The following LRRTM3 variants were observed in gnomAD, a reference collection of about 807,000 sequenced individuals.
LRRTM3 encodes the protein leucine rich repeat transmembrane neuronal 3.
Under a neutral mutation model 44.7 loss-of-function variants are expected in LRRTM3, and 24 were observed. The ratio of observed to expected loss-of-function variants is 0.54; its 90% confidence interval spans 0.39 to 0.76. The LOEUF (loss-of-function observed/expected upper bound fraction) is 0.76, where lower values mean the gene tolerates loss of function less well. LRRTM3 is among the 30% of genes least tolerant of loss of function. The pLI, the probability that LRRTM3 is intolerant of heterozygous loss-of-function variation, is 0.00. For missense variants in LRRTM3, 587 were observed against 702.2 expected, an observed-to-expected ratio of 0.84 and a Z score of 1.85; for synonymous variants, 277 against 278.7, an observed-to-expected ratio of 0.99 and a Z score of 0.06.
At chr10:67,025,219 C>G (rs759435819) in intron 2 of LRRTM3, among the ~76,000 whole-genome samples, 1 of 151,410 alleles carries the variant, frequency 6.6e-6, no homozygotes, top group Non-Finnish European at 1.5e-5. Context: ...GTATCACCCA[C>G]CAATTGGCAC....
intron 2 of LRRTM3, among the ~76,000 whole-genome samples, chr10:66,930,772 C>A (rs1283511644): frequency 6.6e-6 from 1 of 152,014 alleles, no homozygotes; most frequent in Non-Finnish European, 1.5e-5. Context: ...AAAGCTGTCA[C>A]TTTTTAATGC....
chr10:67,082,114 C>A (rs1857086867), intron 2 of LRRTM3, among the ~76,000 whole-genome samples: 1 of 152,092 alleles, frequency 6.6e-6, no homozygotes, highest in Admixed American at 6.6e-5. Context: ...AATTTTCTTT[C>A]AATGCTATAG....
At chr10:67,082,082 G>A (rs1857085631) in intron 2 of LRRTM3, among the ~76,000 whole-genome samples, 1 of 152,172 alleles carries the variant, frequency 6.6e-6, no homozygotes, top group South Asian at 2.1e-4. Flanking sequence ...ATTGCAGATT[G>A]CAGTCAGCAT....
intron 2 of LRRTM3, among the ~76,000 whole-genome samples, chr10:67,023,036 T>G (rs1853130710): frequency 6.6e-6 from 1 of 152,186 alleles, no homozygotes; most frequent in Admixed American, 6.5e-5. Context: ...GGTCAGTGAT[T>G]GGCATACTCA....
intron 2 of LRRTM3, among the ~76,000 whole-genome samples, chr10:67,073,181 A>G (rs999786592): frequency 3.3e-5 from 5 of 152,170 alleles, no homozygotes; most frequent in African/African-American, 9.7e-5. Flanking sequence ...TCTAGGAACT[A>G]TATCTAATTT....
At chr10:67,030,875 G>A (rs1853679336) in intron 2 of LRRTM3, among the ~76,000 whole-genome samples, 1 of 152,078 alleles carries the variant, frequency 6.6e-6, no homozygotes, top group South Asian at 2.1e-4. Flanking sequence ...GTGGTGGCGG[G>A]AGTCTGTAAT....
Position 66,947,409 on chromosome 10 carries a change from T to A in LRRTM3, c.1536+18957T>A, listed in dbSNP as rs150685053. Among the ~76,000 whole-genome samples the A allele has an allele frequency of 3.0e-3, 456 of 152,284 alleles. 6 individuals are homozygous for A. Among genetic ancestry groups the A allele is most frequent in the Non-Finnish European group, 9.1e-4 (62 of 68,006 alleles). ...ACCATTTCACTATATCACAAGGTAT[T>A]TTCTTTATGAGGGTCCATGGGGAAA... On this transcript the variant is annotated intron_variant, in intron 2 of 2. Coordinates refer to ENST00000361320, the MANE Select transcript of LRRTM3 (RefSeq NM_178011.5).
Position 66,927,662 on chromosome 10 carries a change from C to A in LRRTM3, c.746C>A (p.Ser249Tyr). The A allele has an allele frequency of 6.2e-7, 1 of 1,614,152 alleles. No individual in the cohort carries two copies. Residue 249 changes from serine (S) to tyrosine (Y), a missense_variant, in exon 2 of 3, where the codon TCC becomes TAC. Ser to Tyr is a moderately radical substitution (Grantham distance 144, BLOSUM62 -2). This residue lies in a region of LRRTM3 where 222 missense variants were observed against 323.3 expected (regional missense o/e 0.69). Coordinates refer to ENST00000361320, the MANE Select transcript of LRRTM3 (RefSeq NM_178011.5). This position sits in a 1 kb window ranked among gnomAD's most constrained non-coding sequence, Gnocchi z 4.7. ...NKISVIGQTM[S>Y]WTWSSLQRLD... The stretch of plus-strand genomic sequence containing the variant: ...ATCAGTGTCATAGGACAGACCATGT[C>A]CTGGACCTGGAGCTCCTTACAAAGG...
rs917017630 is a variant in LRRTM3 at position 67,098,584 on chromosome 10, T to C, written c.*788T>C. ...AGGGATATTTTAACATATTTCCGAATGAATGACTCATTATTTCATTCTTTT... is the reference window on the plus strand; with the variant it reads ...AGGGATATTTTAACATATTTCCGAACGAATGACTCATTATTTCATTCTTTT... On this transcript the variant is annotated 3_prime_UTR_variant, in exon 3 of 3. Coordinates refer to ENST00000361320, the MANE Select transcript of LRRTM3 (RefSeq NM_178011.5). 1 of 152,336 alleles carries C rather than the reference T, an allele frequency of 6.6e-6. No individual in the cohort carries two copies. Among genetic ancestry groups the C allele is most frequent in the Admixed American group, 6.6e-5 (1 of 15,188 alleles). The allele number at this position is 152,336 out of a possible 1,614,324, so 9.4% of individuals were successfully genotyped here.
At chr10:66,996,068 T>C (rs1240563001) in intron 2 of LRRTM3, among the ~76,000 whole-genome samples, 1 of 152,190 alleles carries the variant, frequency 6.6e-6, no homozygotes, top group Non-Finnish European at 1.5e-5. Context: ...TTTTGTAATA[T>C]TATCCTACTA....
At chr10:67,017,179 A>T (rs2133059866) in intron 2 of LRRTM3, among the ~76,000 whole-genome samples, 1 of 152,322 alleles carries the variant, frequency 6.6e-6, no homozygotes, top group South Asian at 2.1e-4. Flanking sequence ...ATATTTTGTG[A>T]TTTCCAAAGT....
chr10:67,043,141 T>C (rs904324212), intron 2 of LRRTM3, among the ~76,000 whole-genome samples: 3 of 150,862 alleles, frequency 2.0e-5, no homozygotes. Context: ...CTTTCTTTTT[T>C]TTTTTTTTTT....
chr10:66,980,117 A>C (rs375327048), intron 2 of LRRTM3, among the ~76,000 whole-genome samples: 2 of 152,296 alleles, frequency 1.3e-5, no homozygotes, highest in African/African-American at 4.8e-5. Context: ...TACTAATCAA[A>C]TTTGTTTCTA....
At chr10:66,958,819 A>AGAGCT in intron 2 of LRRTM3, among the ~76,000 whole-genome samples, 1 of 152,148 alleles carries the variant, frequency 6.6e-6, no homozygotes, top group Non-Finnish European at 1.5e-5. Context: ...AAGAAGAAGG[A>AGAGCT]AAGGAATTAA....
intron 2 of LRRTM3, among the ~76,000 whole-genome samples, chr10:66,967,827 C>A (rs1849519776): frequency 1.3e-5 from 2 of 151,900 alleles, no homozygotes; most frequent in Admixed American, 1.3e-4. Context: ...AATATATCCC[C>A]TCGAAAGGTT....
chr10:66,974,074 CCT>C (rs2132842593), intron 2 of LRRTM3, among the ~76,000 whole-genome samples: 1 of 152,222 alleles, frequency 6.6e-6, no homozygotes, highest in East Asian at 1.9e-4. Context: ...AAAAAGTTGC[CCT>C]GAGTCTCTCT....
At chr10:67,076,095 A>G (rs983527081) in intron 2 of LRRTM3, among the ~76,000 whole-genome samples, 11 of 152,224 alleles carry the variant, frequency 7.2e-5, no homozygotes, top group African/African-American at 2.4e-4. Context: ...ACTGCCTTTA[A>G]GTATATGTAG....
rs1451547872 is a variant in LRRTM3 at position 67,049,578 on chromosome 10, C to T, written c.1537-48009C>T. Among the ~76,000 whole-genome samples, 5 of 152,226 alleles carry T rather than the reference C, an allele frequency of 3.3e-5. No homozygotes were observed. The East Asian group carries it at 5.8e-4, about 18-fold the overall frequency. The stretch of plus-strand genomic sequence containing the variant: ...TTCAAGGGTTTATTTCACAAGGTTG[C>T]TTTGTGTTTAACTTGAACAAAAAAG... On this transcript the variant is annotated intron_variant, in intron 2 of 2. Transcript: ENST00000361320.
At chr10:66,973,683 G>A (rs961478155) in intron 2 of LRRTM3, among the ~76,000 whole-genome samples, 4 of 152,170 alleles carry the variant, frequency 2.6e-5, no homozygotes, top group African/African-American at 4.8e-5. Context: ...GAGTACAGTG[G>A]TGCGATCTCG....
Sources: allele counts gnomAD v4.1 joint callset (sites outside exome capture counted in the v4.1 genomes callset), GRCh38; gene constraint gnomAD v4.1.1; regional missense constraint gnomAD v4.1.1; non-coding constraint Gnocchi (gnomAD v3.1); transcripts MANE v1.5; gene names NCBI Gene and HGNC (gene_info 2026-07-23, HGNC 2026-07-21).